The following OLFM3 variants were observed in gnomAD, a reference collection of about 807,000 sequenced individuals.
OLFM3 encodes the protein olfactomedin 3.
In OLFM3, 20 loss-of-function variants were observed where a neutral mutation model predicts 48.6. That is an observed-to-expected ratio of 0.41 (90% CI 0.29 to 0.60). OLFM3 has a LOEUF of 0.60. Among genes scored for constraint, OLFM3 ranks in the 20% least tolerant of loss-of-function variants. The probability of loss-of-function intolerance (pLI) is 0.28; values close to 1 mark genes in which losing one functional copy is unlikely to be tolerated. For missense variants in OLFM3, 437 were observed against 544.3 expected (o/e 0.80, Z 1.96); for synonymous variants, 222 against 198.1 (o/e 1.12, Z -1.01).
In OLFM3 at chr1:101,803,839, C is replaced by T. The variant is rs1347016996; in HGVS notation, c.*399G>A. 6.5e-6 allele frequency: 1 copy of T among 153,700 alleles called. No individual in the cohort carries two copies. Among genetic ancestry groups the T allele is most frequent in the Non-Finnish European group, 1.4e-5 (1 of 69,374 alleles). The allele number at this position is 153,700 out of a possible 1,614,324, so 9.5% of individuals were successfully genotyped here. A position where few individuals can be genotyped will look rare whatever the true frequency, so the allele number is the denominator to read the frequency against. On this transcript the variant is annotated 3_prime_UTR_variant, in exon 6 of 6. Transcript: ENST00000370103. ...GTGCTTTTTGTTCTCCTAATTCCTA[C>T]CAAAATATTTCCTGATATGGAGCAA...
intron 4 of OLFM3, among the ~76,000 whole-genome samples, chr1:101,820,051 C>G (rs965892941): frequency 9.9e-5 from 15 of 152,042 alleles, no homozygotes; most frequent in African/African-American, 2.2e-4. Context: ...ATCCTTGTAT[C>G]CACAAATACC....
chr1:101,899,774 AATAC>A (rs1229770306), intron 1 of OLFM3, among the ~76,000 whole-genome samples: 66 of 152,300 alleles, frequency 4.3e-4, no homozygotes, highest in African/African-American at 1.5e-3. Context: ...GGAATGAATA[AATAC>A]ATTTAAAAAT....
chr1:101,805,939 C>G, intron 5 of OLFM3, 137 bp downstream of exon 5: 1 of 562,780 alleles, frequency 1.8e-6, no homozygotes, highest in Non-Finnish European at 3.2e-6. Flanking sequence ...TTAATATTAT[C>G]AAACAGAAAA....
intron 1 of OLFM3, among the ~76,000 whole-genome samples, chr1:101,947,461 A>G (rs1659996013): frequency 6.6e-6 from 1 of 152,164 alleles, no homozygotes; most frequent in Non-Finnish European, 1.5e-5. Flanking sequence ...AAAAATAGCC[A>G]TTTAGAAATA....
intron 1 of OLFM3, among the ~76,000 whole-genome samples, chr1:101,904,729 A>C (rs1207270307): frequency 6.6e-6 from 1 of 152,130 alleles, no homozygotes; most frequent in African/African-American, 2.4e-5. Flanking sequence ...GATGGCAAAC[A>C]AATCAAGGCA....
intron 1 of OLFM3, among the ~76,000 whole-genome samples, chr1:101,989,286 G>A (rs150588727): frequency 2.4e-3 from 360 of 152,126 alleles, no homozygotes; most frequent in African/African-American, 8.6e-3. Flanking sequence ...TGTGATACAT[G>A]CTTTACAACA....
At chr1:101,970,534 G>A (rs754948626) in intron 1 of OLFM3, among the ~76,000 whole-genome samples, 4 of 150,896 alleles carry the variant, frequency 2.7e-5, no homozygotes, top group East Asian at 3.9e-4. Context: ...CTTTTCTTTC[G>A]TACTCCTTTT....
At chr1:101,960,406 G>T (rs140134712) in intron 1 of OLFM3, among the ~76,000 whole-genome samples, 2 of 152,314 alleles carry the variant, frequency 1.3e-5, no homozygotes, top group Non-Finnish European at 2.9e-5. Context: ...CCTGCAGAGG[G>T]TAATCTAGGT....
chr1:101,862,031 T>G (rs1178503883), intron 1 of OLFM3, among the ~76,000 whole-genome samples: 1 of 152,188 alleles, frequency 6.6e-6, no homozygotes, highest in East Asian at 1.9e-4. Context: ...AGAATCGTGA[T>G]AGTGCTAAAA....
chr1:101,991,809 G>A (rs1232992491), intron 1 of OLFM3, among the ~76,000 whole-genome samples: 4 of 150,768 alleles, frequency 2.7e-5, no homozygotes, highest in African/African-American at 4.9e-5. Context: ...ATGAATACAG[G>A]GAGGGAAGCA....
At chr1:101,950,046 A>G (rs1382751794) in intron 1 of OLFM3, among the ~76,000 whole-genome samples, 1 of 151,666 alleles carries the variant, frequency 6.6e-6, no homozygotes, top group Non-Finnish European at 1.5e-5. Context: ...AAAAAAAAAA[A>G]AAGAAAAAGC....
chr1:101,931,618 G>C (rs914027529), intron 1 of OLFM3, among the ~76,000 whole-genome samples: 4 of 152,306 alleles, frequency 2.6e-5, no homozygotes, highest in Non-Finnish European at 2.9e-5. Flanking sequence ...TGAGAATAGG[G>C]TGCCCATAGC....
chr1:101,887,782 G>T (rs1006119219), intron 1 of OLFM3, among the ~76,000 whole-genome samples: 3 of 151,556 alleles, frequency 2.0e-5, no homozygotes, highest in African/African-American at 7.3e-5. Flanking sequence ...CCTTAAAATT[G>T]TCTGTTAAAA....
chr1:101,859,591 CT>C (rs2100960499), intron 1 of OLFM3, among the ~76,000 whole-genome samples: 1 of 152,250 alleles, frequency 6.6e-6, no homozygotes, highest in South Asian at 2.1e-4. Flanking sequence ...ATTATACTTA[CT>C]GATTGAGCAT....
intron 1 of OLFM3, among the ~76,000 whole-genome samples, chr1:101,955,534 ATCTTCTACT>A (rs958640983): frequency 4.6e-5 from 7 of 150,716 alleles, no homozygotes; most frequent in Non-Finnish European, 1.0e-4. Flanking sequence ...ATGCCCATCC[ATCTTCTACT>A]TCTTAAAGTT....
At chr1:101,809,350 T>C (rs1653936799) in intron 4 of OLFM3, among the ~76,000 whole-genome samples, 1 of 151,892 alleles carries the variant, frequency 6.6e-6, no homozygotes, top group Non-Finnish European at 1.5e-5. Context: ...GCTTGTCACA[T>C]GCAAACAGGT....
At chr1:101,972,802 C>T (rs1660844579) in intron 1 of OLFM3, among the ~76,000 whole-genome samples, 1 of 152,198 alleles carries the variant, frequency 6.6e-6, no homozygotes, top group Non-Finnish European at 1.5e-5. Context: ...TTAGACCCTC[C>T]TCTCACTTGT....
intron 1 of OLFM3, among the ~76,000 whole-genome samples, chr1:101,925,115 G>A (rs1448427483): frequency 6.6e-6 from 1 of 152,114 alleles, no homozygotes; most frequent in East Asian, 1.9e-4. Context: ...ACCAGGTTAT[G>A]GGTTTTCATA....
chr1:101,994,762 T>C (rs898628467), intron 1 of OLFM3, among the ~76,000 whole-genome samples: 15 of 151,962 alleles, frequency 9.9e-5, no homozygotes, highest in African/African-American at 3.4e-4. Flanking sequence ...AAATATCGTC[T>C]TTTAAAAAAA....
Sources: gnomAD v4.1 joint callset for allele counts (sites outside exome capture counted in the v4.1 genomes callset) on GRCh38, gnomAD v4.1.1 for gene constraint, MANE v1.5 for transcripts, NCBI Gene and HGNC (gene_info 2026-07-23, HGNC 2026-07-21) for gene names.